Variants in CHD1L observed in about 807,000 individuals in gnomAD.
The protein encoded by CHD1L is chromodomain helicase DNA binding protein 1 like, also known as ATP-dependent chromatin remodeler CHD1L.
A neutral mutation model predicts 115.9 loss-of-function variants in CHD1L; 118 were observed. The ratio of observed to expected loss-of-function variants is 1.02; its 90% CI spans 0.88 to 1.19. CHD1L has a LOEUF of 1.19. CHD1L is among the 50% of genes most tolerant of loss of function. The pLI is 0.00. For synonymous variants in CHD1L, 411 were observed against 387.1 expected (o/e 1.06, Z -0.72); for missense variants, 1,179 against 1,065.3 (o/e 1.11, Z -1.49).
the CHD1L span, among the ~76,000 whole-genome samples, chr1:147,227,648 ACT>A: frequency 6.6e-6 from 1 of 152,352 alleles, no homozygotes; most frequent in Non-Finnish European, 1.5e-5. Context: ...CAACTCAGTT[ACT>A]CATGCTATTA....
the CHD1L span, among the ~76,000 whole-genome samples, chr1:147,206,721 C>G: frequency 4.6e-5 from 7 of 152,046 alleles, no homozygotes; most frequent in Admixed American, 3.3e-4. Context: ...AATGAGAACA[C>G]TTGGACACAG....
intron 1 of CHD1L, among the ~76,000 whole-genome samples, chr1:147,250,858 GTAA>G (rs1444205897): frequency 6.6e-6 from 1 of 152,134 alleles, no homozygotes; most frequent in East Asian, 1.9e-4. Flanking sequence ...ACCCTGAATT[GTAA>G]TAATCTCCAC....
intron 15 of CHD1L, 75 bp downstream of exon 15, chr1:147,280,266 G>C (rs1409697505): frequency 1.4e-6 from 2 of 1,440,914 alleles, no homozygotes; most frequent in African/African-American, 2.9e-5. Context: ...GGAAAGTTTT[G>C]GATGCTGCTC....
At chr1:147,185,422 T>TGA in the CHD1L span, among the ~76,000 whole-genome samples, 42 of 152,158 alleles carry the variant, frequency 2.8e-4, no homozygotes, top group Non-Finnish European at 5.0e-4. Flanking sequence ...ACTAGGTCCA[T>TGA]TTTAATAGAT....
At chr1:147,236,291 T>C in the CHD1L span, among the ~76,000 whole-genome samples, 1 of 152,212 alleles carries the variant, frequency 6.6e-6, no homozygotes, top group Non-Finnish European at 1.5e-5. Flanking sequence ...CCCAAAGGGC[T>C]GCAGCTCCTC....
the CHD1L span, chr1:147,174,346 G>A: frequency 6.6e-6 from 1 of 152,160 alleles, no homozygotes; most frequent in Non-Finnish European, 1.5e-5. Flanking sequence ...ACCTTGACTT[G>A]TGTAGTATTC....
Position 147,276,137 on chromosome 1 carries a change from C to T in CHD1L, c.1419C>T (p.Asp473=). Residue 473 remains aspartate (D), a synonymous_variant, in exon 14 of 23, where the codon GAC becomes GAT. Transcript: ENST00000369258. ...SVKVIRLIGR[D]TVEEIVYRKA... ...AAGTTATTCGGCTGATTGGTCGAGACACTGTGGAAGAAATAGTCTATAGGA... is the reference window on the plus strand; with the variant it reads ...AAGTTATTCGGCTGATTGGTCGAGATACTGTGGAAGAAATAGTCTATAGGA... 6.2e-7 allele frequency: 1 copy of T among 1,614,132 alleles called. No individual in the cohort carries two copies. The highest frequency in any genetic ancestry group is 1.3e-5 in the African/African-American group (1 of 75,020).
At chr1:147,226,671 CT>C in the CHD1L span, among the ~76,000 whole-genome samples, 2 of 152,106 alleles carry the variant, frequency 1.3e-5, no homozygotes, top group African/African-American at 4.8e-5. Context: ...CCTTGCTCTC[CT>C]TCTACCACTC....
At chr1:147,187,694 C>T in the CHD1L span, among the ~76,000 whole-genome samples, 1 of 152,044 alleles carries the variant, frequency 6.6e-6, no homozygotes, top group Non-Finnish European at 1.5e-5. Context: ...GCAGGACTTC[C>T]CAGGGCCAAT....
At chr1:147,230,982 A>T in the CHD1L span, among the ~76,000 whole-genome samples, 3 of 150,970 alleles carry the variant, frequency 2.0e-5, no homozygotes, top group African/African-American at 7.3e-5. Context: ...GATTTTTTGA[A>T]GGGTTTTTTG....
At chr1:147,293,383 T>C (rs782058389) in intron 20 of CHD1L, among the ~76,000 whole-genome samples, 3 of 152,116 alleles carry the variant, frequency 2.0e-5, no homozygotes, top group Non-Finnish European at 4.4e-5. Flanking sequence ...TAAAGTATTT[T>C]AAAAAGAAGA....
intron 15 of CHD1L, among the ~76,000 whole-genome samples, chr1:147,283,975 G>C (rs587709252): frequency 6.6e-6 from 1 of 152,214 alleles, no homozygotes; most frequent in African/African-American, 2.4e-5. Flanking sequence ...AATATTAAAA[G>C]TGTGTTTGGA....
At chr1:147,267,958 G>A (rs1320819375) in intron 9 of CHD1L, among the ~76,000 whole-genome samples, 3 of 151,984 alleles carry the variant, frequency 2.0e-5, no homozygotes, top group East Asian at 1.9e-4. Flanking sequence ...TTTCCTCACC[G>A]CTACTCCAGG....
intron 12 of CHD1L, among the ~76,000 whole-genome samples, chr1:147,274,351 T>C (rs587648544): frequency 6.6e-6 from 1 of 152,336 alleles, no homozygotes; most frequent in East Asian, 1.9e-4. Flanking sequence ...TTAGCATCTC[T>C]CAGTAATCGG....
At chr1:147,179,503 CAAAG>C in the CHD1L span, 3 of 1,578,494 alleles carry the variant, frequency 1.9e-6, no homozygotes, top group South Asian at 3.3e-5. Context: ...AAGCTAAATC[CAAAG>C]AAATATGAAG....
the CHD1L span, among the ~76,000 whole-genome samples, chr1:147,234,143 C>T: frequency 6.6e-6 from 1 of 152,280 alleles, no homozygotes; most frequent in South Asian, 2.1e-4. Context: ...GATCATGAGC[C>T]TGCTCTTTTG....
chr1:147,187,681 AG>A, the CHD1L span, among the ~76,000 whole-genome samples: 1 of 152,216 alleles, frequency 6.6e-6, no homozygotes, highest in Non-Finnish European at 1.5e-5. Flanking sequence ...CAGGGTCCAC[AG>A]GGCAGGACTT....
At chr1:147,207,942 A>G in the CHD1L span, among the ~76,000 whole-genome samples, 1 of 152,162 alleles carries the variant, frequency 6.6e-6, no homozygotes, top group South Asian at 2.1e-4. Context: ...ATAAGTCCCT[A>G]TGAAATGTTT....
the CHD1L span, chr1:147,208,883 G>A: frequency 4.4e-5 from 71 of 1,614,030 alleles, 6 homozygotes; most frequent in South Asian, 7.7e-4. Flanking sequence ...AACATTTCAT[G>A]GTCAAACCTT....
Sources: gnomAD v4.1 joint callset for allele counts (sites outside exome capture counted in the v4.1 genomes callset) on GRCh38, gnomAD v4.1.1 for gene constraint, MANE v1.5 for transcripts, NCBI Gene and HGNC (gene_info 2026-07-23, HGNC 2026-07-21) for gene names.